PIP5K1B: variants seen among roughly 807,000 people sequenced by gnomAD.
PIP5K1B encodes phosphatidylinositol 4-phosphate 5-kinase type-1 beta.
A neutral mutation model predicts 67.0 loss-of-function variants in PIP5K1B; 42 were observed. That is an observed-to-expected ratio of 0.63 (90% CI 0.49 to 0.81). The LOEUF is 0.81. PIP5K1B is among the 30% of genes least tolerant of loss of function. The pLI is 0.00. For synonymous variants in PIP5K1B, 214 were observed against 231.4 expected, an observed-to-expected ratio of 0.92 and a Z score of 0.68; for missense variants, 459 against 646.3, an observed-to-expected ratio of 0.71 and a Z score of 3.14.
intron 1 of PIP5K1B, among the ~76,000 whole-genome samples, chr9:68,727,929 T>C (rs1271182845): frequency 6.6e-6 from 1 of 152,180 alleles, no homozygotes; most frequent in African/African-American, 2.4e-5. Context: ...TCATTCATGA[T>C]TCAGCAAATA....
intron 15 of PIP5K1B, 69 bp from the exon 16 acceptor site, chr9:69,008,378 G>T: frequency 7.0e-7 from 1 of 1,422,556 alleles, no homozygotes; most frequent in South Asian, 1.1e-5. Context: ...CTTATGTTGC[G>T]ACTCATGGGG....
intron 14 of PIP5K1B, among the ~76,000 whole-genome samples, chr9:68,986,986 C>T (rs986618125): frequency 2.6e-5 from 4 of 152,206 alleles, no homozygotes; most frequent in Non-Finnish European, 5.9e-5. Flanking sequence ...GGCACTGTGG[C>T]TCATGCCTGT....
At chr9:68,994,979 TA>T (rs142876737) in intron 15 of PIP5K1B, among the ~76,000 whole-genome samples, 80,354 of 145,684 alleles carry the variant, frequency 0.55, 23,238 homozygotes, top group East Asian at 0.88. Context: ...CTACAAAAAT[TA>T]AAAAAAAAAA....
intron 14 of PIP5K1B, among the ~76,000 whole-genome samples, chr9:68,958,649 A>G (rs1432415928): frequency 6.6e-6 from 1 of 152,328 alleles, no homozygotes; most frequent in Non-Finnish European, 1.5e-5. Context: ...GCATACTTAG[A>G]CATTAATATT....
chr9:68,983,460 G>A (rs186719373), intron 14 of PIP5K1B, among the ~76,000 whole-genome samples: 59 of 149,464 alleles, frequency 3.9e-4, no homozygotes, highest in East Asian at 3.9e-4. Context: ...CTGTGTGTGT[G>A]TTTTTTTTTT....
chr9:68,837,806 C>T (rs910796919), intron 4 of PIP5K1B, among the ~76,000 whole-genome samples: 3 of 151,570 alleles, frequency 2.0e-5, no homozygotes, highest in Non-Finnish European at 2.9e-5. Context: ...CATTTTTTCC[C>T]TCTAATTGAA....
intron 4 of PIP5K1B, among the ~76,000 whole-genome samples, chr9:68,839,110 G>A (rs1377631581): frequency 6.6e-6 from 1 of 152,184 alleles, no homozygotes; most frequent in Non-Finnish European, 1.5e-5. Context: ...AAATCATTGA[G>A]AAATTTTGGT....
rs11144174 is a variant in PIP5K1B, at chr9:68,896,018, T to A, written c.771+1380T>A. 8.2e-3 allele frequency among the ~76,000 whole-genome samples: 1,248 copies of A among 152,280 alleles called. 43 individuals carry two copies. The East Asian group carries it at 0.11, about 13-fold the overall frequency. ...CTCTGAGGATTTTTTTTTAATTATCTTTTCAGAAGTCAGGGAAGGAGCAGT... is the reference window on the plus strand; with the variant it reads ...CTCTGAGGATTTTTTTTTAATTATCATTTCAGAAGTCAGGGAAGGAGCAGT... On this transcript the variant is annotated intron_variant, in intron 8 of 15. Coordinates refer to ENST00000265382, the MANE Select transcript of PIP5K1B (RefSeq NM_003558.4).
At chr9:68,907,118 G>T (rs1825653603) in intron 8 of PIP5K1B, among the ~76,000 whole-genome samples, 2 of 152,144 alleles carry the variant, frequency 1.3e-5, no homozygotes, top group South Asian at 2.1e-4. Context: ...TAGTAATATT[G>T]CAGTCTCTTC....
At chr9:68,945,294 C>T (rs1291061663) in intron 14 of PIP5K1B, among the ~76,000 whole-genome samples, 4 of 151,872 alleles carry the variant, frequency 2.6e-5, no homozygotes, top group Non-Finnish European at 4.4e-5. Context: ...TACAGGCACC[C>T]GCCACCACTC....
chr9:68,913,295 T>C (rs1167940008), intron 8 of PIP5K1B, among the ~76,000 whole-genome samples: 3 of 152,196 alleles, frequency 2.0e-5, no homozygotes, highest in Non-Finnish European at 2.9e-5. Flanking sequence ...GAATAGTAAA[T>C]GCACAGGTAC....
At chr9:68,812,291 AATACATG>A (rs1833212100) in intron 2 of PIP5K1B, among the ~76,000 whole-genome samples, 1 of 152,256 alleles carries the variant, frequency 6.6e-6, no homozygotes, top group Non-Finnish European at 1.5e-5. Context: ...GTAGTTGCTC[AATACATG>A]ATCTTCCCTT....
At chr9:68,723,236 C>T (rs1827980074) in intron 1 of PIP5K1B, among the ~76,000 whole-genome samples, 1 of 151,544 alleles carries the variant, frequency 6.6e-6, no homozygotes, top group Admixed American at 6.6e-5. Context: ...GTGCATTCAT[C>T]CACTGATGGA....
chr9:68,934,065 C>G (rs75760882), intron 12 of PIP5K1B, among the ~76,000 whole-genome samples: 5,103 of 152,306 alleles, frequency 0.034, 91 homozygotes, highest in Middle Eastern at 0.051. Flanking sequence ...CCCTCTCCCC[C>G]TCCCTCCAAG....
At chr9:68,974,035 G>T (rs1244861159) in intron 14 of PIP5K1B, among the ~76,000 whole-genome samples, 3 of 152,110 alleles carry the variant, frequency 2.0e-5, no homozygotes, top group Non-Finnish European at 4.4e-5. Flanking sequence ...GTGCCACCAT[G>T]CCTGGCTAAT....
At chr9:68,867,524 CT>C (rs1823420032) in intron 5 of PIP5K1B, among the ~76,000 whole-genome samples, 1 of 152,308 alleles carries the variant, frequency 6.6e-6, no homozygotes, top group South Asian at 2.1e-4. Context: ...AAGACAGTAC[CT>C]TTCAGGAGAT....
chr9:68,813,020 A>G (rs889585135), intron 2 of PIP5K1B, among the ~76,000 whole-genome samples: 23 of 152,236 alleles, frequency 1.5e-4, no homozygotes, highest in African/African-American at 5.5e-4. Context: ...ACTCATCTAC[A>G]AAGTGGGAAG....
intron 14 of PIP5K1B, among the ~76,000 whole-genome samples, chr9:68,977,006 T>C (rs11144614): frequency 0.047 from 7,230 of 152,290 alleles, 251 homozygotes; most frequent in Non-Finnish European, 0.075. Context: ...TTTCAATGTG[T>C]GCTGTCTACC....
intron 14 of PIP5K1B, among the ~76,000 whole-genome samples, chr9:68,982,536 C>T (rs570875058): frequency 6.6e-6 from 1 of 152,170 alleles, no homozygotes; most frequent in Admixed American, 6.5e-5. Flanking sequence ...GTGGGTGGAT[C>T]GCCCAAGGCC....
Sources: allele counts gnomAD v4.1 joint callset (sites outside exome capture counted in the v4.1 genomes callset), GRCh38; gene constraint gnomAD v4.1.1; transcripts MANE v1.5; gene names NCBI Gene and HGNC (gene_info 2026-07-23, HGNC 2026-07-21).